The following TRIM51 variants were observed in gnomAD, a reference collection of about 807,000 sequenced individuals.
TRIM51 encodes tripartite motif-containing 51.
In TRIM51, 23 loss-of-function variants were observed where a neutral mutation model predicts 32.7. That is an observed-to-expected ratio of 0.70 (90% CI 0.51 to 1.00). The LOEUF is 1.00. Among genes scored for constraint, TRIM51 ranks in the 50% least tolerant of loss-of-function variants. The probability of loss-of-function intolerance (pLI) is 0.00; values close to 1 mark genes in which losing one functional copy is unlikely to be tolerated. For synonymous variants in TRIM51, 177 were observed against 181.9 expected (o/e 0.97, Z 0.22); for missense variants, 592 against 539.2 (o/e 1.10, Z -0.97).
chr11:55,886,510 C>T (rs746269407), intron 3 of TRIM51, among the ~76,000 whole-genome samples: 3 of 152,128 alleles, frequency 2.0e-5, no homozygotes, highest in Non-Finnish European at 4.4e-5. Context: ...TCCCAATGGG[C>T]TGCCTGGATA....
intron 3 of TRIM51, among the ~76,000 whole-genome samples, chr11:55,887,799 T>C (rs1403804117): frequency 6.6e-6 from 1 of 152,170 alleles, no homozygotes; most frequent in Non-Finnish European, 1.5e-5. Flanking sequence ...AATCCATTTT[T>C]ATATAACTAT....
rs1854649267 is a variant in TRIM51 at position 55,891,475 on chromosome 11, A to G, written c.1202A>G (p.Tyr401Cys). 6.2e-7 allele frequency: 1 copy of G among 1,613,298 alleles called. No individual in the cohort carries two copies. The highest frequency in any genetic ancestry group is 1.3e-5 in the African/African-American group (1 of 74,896). The change falls in exon 7 of 7, where the codon TAT (tyrosine) becomes TGT (cysteine). Residue 401 changes from tyrosine (Y) to cysteine (C), a missense_variant. Physicochemically the swap from Tyr to Cys is radical, Grantham distance 194. Transcript: ENST00000449290. ...LFTTSPLVVQYVPRPTSTVGL... is the reference protein window; with the variant it reads ...LFTTSPLVVQCVPRPTSTVGL... The stretch of plus-strand genomic sequence containing the variant: ...ACCACCTCCCCACTTGTGGTGCAAT[A>G]TGTTCCAAGACCTACCAGCACAGTA...
In TRIM51 at chr11:55,885,927, T is replaced by A; in HGVS notation, c.411+88T>A. ...TCCTTCGAGATTGGATGATGCCATC[T>A]CTGTGTCCCCTTAAGCATGTCTGTT... On this transcript the variant is annotated intron_variant, in intron 2 of 6. Transcript: ENST00000449290. 2.5e-6 allele frequency: 4 copies of A among 1,595,244 alleles called. No individual in the cohort carries two copies. The South Asian group carries it at 4.5e-5, about 18-fold the overall frequency.
chr11:55,887,109 A>C (rs1452703241), intron 3 of TRIM51, among the ~76,000 whole-genome samples: 1 of 151,978 alleles, frequency 6.6e-6, no homozygotes, highest in Non-Finnish European at 1.5e-5. Context: ...ATCAAGCAGG[A>C]AAGTAGAAAA....
At chr11:55,890,098 G>C in intron 6 of TRIM51, 59 bp downstream of exon 6, 2 of 1,229,524 alleles carry the variant, frequency 1.6e-6, no homozygotes, top group African/African-American at 1.5e-5. Context: ...TAGAATCATG[G>C]GGGTAGTATT....
rs1259185722 is a variant in TRIM51, at chr11:55,883,358, T to C, written c.-31T>C. 1 of 152,238 alleles carries C rather than the reference T, an allele frequency of 6.6e-6. No individual in the cohort carries two copies. The highest frequency in any genetic ancestry group is 2.4e-5 in the African/African-American group (1 of 41,466). The allele number at this position is 152,238 out of a possible 1,614,324, so 9.4% of individuals were successfully genotyped here. ...AAGAATTTTTTCTTGGAAGAATTACTGCAGGAAACATTCATAGAACCTTGG... is the reference window on the plus strand; with the variant it reads ...AAGAATTTTTTCTTGGAAGAATTACCGCAGGAAACATTCATAGAACCTTGG... On this transcript the variant is annotated 5_prime_UTR_variant, in exon 1 of 7. Coordinates refer to ENST00000449290, the MANE Select transcript of TRIM51 (RefSeq NM_032681.4).
At chr11:55,884,635 C>T (rs921819661) in intron 1 of TRIM51, among the ~76,000 whole-genome samples, 2 of 152,056 alleles carry the variant, frequency 1.3e-5, no homozygotes, top group African/African-American at 4.8e-5. Flanking sequence ...TTACATGACT[C>T]TCCGGAAACA....
At chr11:55,888,703 C>G (rs1354967453) in intron 4 of TRIM51, among the ~76,000 whole-genome samples, 4 of 152,134 alleles carry the variant, frequency 2.6e-5, no homozygotes, top group Non-Finnish European at 4.4e-5. Context: ...GACTGAGTAG[C>G]TTCTTTATGG....
In TRIM51 at chr11:55,885,935, C is replaced by T; in HGVS notation, c.411+96C>T. On this transcript the variant is annotated intron_variant, in intron 2 of 6. Coordinates refer to ENST00000449290, the MANE Select transcript of TRIM51 (RefSeq NM_032681.4). ...GATTGGATGATGCCATCTCTGTGTC[C>T]CCTTAAGCATGTCTGTTATGAGCTT... The T allele has an allele frequency of 5.7e-6, 9 of 1,582,562 alleles. No individual in the cohort carries two copies. The South Asian group carries it at 1.0e-4, about 18-fold the overall frequency.
Position 55,885,737 on chromosome 11 carries a change from C to G in TRIM51, c.309C>G (p.Phe103Leu). 3 of 1,611,786 alleles carry G rather than the reference C, an allele frequency of 1.9e-6. No homozygotes were observed. The highest frequency in any genetic ancestry group is 2.5e-6 in the Non-Finnish European group (3 of 1,179,722). ...TGCACAGAGAGACAAAGAAGATGTT[C>G]TGTGAAGTGGACAAGAGCCTGCTCT... ...CGMHRETKKMFCEVDKSLLCL... is the reference protein window; with the variant it reads ...CGMHRETKKMLCEVDKSLLCL... The change falls in exon 2 of 7, where the codon TTC (phenylalanine) becomes TTG (leucine). Residue 103 changes from phenylalanine to leucine, a missense_variant. By Grantham distance (22) the Phe-to-Leu change is conservative (BLOSUM62 0). Transcript: ENST00000449290.
rs1304239651 is a variant in TRIM51 at position 55,885,708 on chromosome 11, G to A, written c.280G>A (p.Gly94Arg). ...QFLSSEEQIC[G>R]MHRETKKMFC... is the part of the protein sequence containing the mutation. Reference sequence around the variant, plus strand: ...CCTTAGCTCTGAGGAGCAAATATGTGGGATGCACAGAGAGACAAAGAAGAT... The same window carrying A: ...CCTTAGCTCTGAGGAGCAAATATGTAGGATGCACAGAGAGACAAAGAAGAT... The change falls in exon 2 of 7, where the codon GGG becomes AGG. Residue 94 changes from glycine (G) to arginine (R), a missense_variant. Gly to Arg is a moderately radical substitution (Grantham distance 125, BLOSUM62 -2). Transcript: ENST00000449290. 1.2e-6 allele frequency: 2 copies of A among 1,611,456 alleles called. No homozygotes were observed. The highest frequency in any genetic ancestry group is 1.7e-5 in the Admixed American group (1 of 59,926).
At chr11:55,887,230 A>G (rs1303216461) in intron 3 of TRIM51, among the ~76,000 whole-genome samples, 4 of 151,860 alleles carry the variant, frequency 2.6e-5, no homozygotes, top group South Asian at 2.1e-4. Context: ...TCAGGAGGAA[A>G]TGTGTATATC....
rs199526903 is a variant in TRIM51, at chr11:55,891,632, A to C, written c.1359A>C (p.Ter453CysextTer31). ...LRPIFCCSHF[*>C] ...CTATCTTTTGCTGTAGTCACTTCTG[A>C]CCAGAGAAAAGTCAGAAATGTGCCT... The change falls in exon 7 of 7, where the codon TGA (stop) becomes TGC (cysteine). Residue 453 changes from the stop codon to cysteine, a stop_lost. Transcript: ENST00000449290. 2.5e-4 allele frequency: 399 copies of C among 1,612,816 alleles called. 2 individuals are homozygous for C. The Middle Eastern group carries it at 5.2e-3, about 21-fold the overall frequency.
intron 1 of TRIM51, 117 bp from the exon 2 acceptor site, chr11:55,885,308 T>C (rs1015644065): frequency 1.4e-5 from 15 of 1,055,952 alleles, no homozygotes; most frequent in Non-Finnish European, 2.1e-5. Context: ...AGGAAATAGT[T>C]TGTTCCGCTT....
intron 1 of TRIM51, among the ~76,000 whole-genome samples, chr11:55,885,179 T>G (rs1226682075): frequency 6.6e-6 from 1 of 152,154 alleles, no homozygotes; most frequent in Non-Finnish European, 1.5e-5. Flanking sequence ...TTGAACAGAT[T>G]TGCATTATGC....
intron 3 of TRIM51, among the ~76,000 whole-genome samples, chr11:55,887,370 AT>A (rs1273786023): frequency 6.6e-6 from 1 of 151,670 alleles, no homozygotes; most frequent in Non-Finnish European, 1.5e-5. Flanking sequence ...ACACATATAT[AT>A]TCCTCATATA....
At chr11:55,888,346 T>C in intron 4 of TRIM51, 84 bp downstream of exon 4, 1 of 1,015,104 alleles carries the variant, frequency 9.9e-7, no homozygotes, top group Non-Finnish European at 1.6e-6. Context: ...CGTCTCCCCC[T>C]TCACTTCCAT....
chr11:55,886,937 T>C (rs1380632511), intron 3 of TRIM51, among the ~76,000 whole-genome samples: 8 of 152,132 alleles, frequency 5.3e-5, no homozygotes. Context: ...AAAGGTATTT[T>C]ATGAGTACCT....
chr11:55,890,230 A>G (rs1198883759), intron 6 of TRIM51, among the ~76,000 whole-genome samples, 191 bp downstream of exon 6: 1 of 152,240 alleles, frequency 6.6e-6, no homozygotes, highest in East Asian at 1.9e-4. Flanking sequence ...CAACATAGTG[A>G]AAAACAAATA....
Sources: allele counts gnomAD v4.1 joint callset (sites outside exome capture counted in the v4.1 genomes callset), GRCh38; gene constraint gnomAD v4.1.1; transcripts MANE v1.5; gene names NCBI Gene and HGNC (gene_info 2026-07-23, HGNC 2026-07-21).